CPEB3: variants seen among roughly 807,000 people sequenced by gnomAD.
CPEB3 encodes the protein cytoplasmic polyadenylation element binding protein 3, also known as cytoplasmic polyadenylation element-binding protein 3.
CPEB3 carries 20 observed loss-of-function variants against 67.2 expected under a neutral mutation model. That is an observed-to-expected ratio of 0.30 (90% CI 0.21 to 0.43). CPEB3 has a LOEUF of 0.43. Among genes scored for constraint, CPEB3 ranks in the 20% least tolerant of loss-of-function variants. The probability of loss-of-function intolerance (pLI) is 1.00; values close to 1 mark genes in which losing one functional copy is unlikely to be tolerated. For missense variants in CPEB3, 746 were observed against 968.6 expected (o/e 0.77, Z 3.05); for synonymous variants, 376 against 393.1 (o/e 0.96, Z 0.51).
Position 92,239,648 on chromosome 10 carries a change from C to T in CPEB3, c.703G>A (p.Ala235Thr), listed in dbSNP as rs775493121. Residue 235 changes from alanine (A) to threonine (T), a missense_variant, in exon 2 of 10, where the codon GCC becomes ACC. Ala to Thr is a moderately conservative substitution (Grantham distance 58). Around this residue, in one of 2 missense-constraint regions of CPEB3, gnomAD observed 643 missense variants for 717.5 expected, o/e 0.90. Coordinates refer to ENST00000265997, the MANE Select transcript of CPEB3 (RefSeq NM_014912.5). The surrounding 1 kb of genome is among the most constrained non-coding windows in gnomAD (Gnocchi z 6.0). ...TTCCAGCTGGACGAGGCCGACGAGG[C>T]GGCGGCTGCGGCAGCAGCGGCTGCA... ...AVAAAAAAAA[A>T]SSASSSWNTH... 30 of 1,560,022 alleles carry T rather than the reference C, an allele frequency of 1.9e-5. No homozygotes were observed. In the East Asian group the frequency reaches 6.2e-4, roughly 32 times the overall value.
In CPEB3 at chr10:92,276,428, G is replaced by GCCA. The variant is rs1464591948; in HGVS notation, c.-12+14495_-12+14497dup. Among the ~76,000 whole-genome samples the GCCA allele has an allele frequency of 2.0e-5, 3 of 151,952 alleles. No homozygotes were observed. In the East Asian group the frequency reaches 5.8e-4, roughly 30 times the overall value. On this transcript the variant is annotated intron_variant, in intron 1 of 9. Transcript: ENST00000265997. ...TGAGTAGCTGGGATTACAGGCACCT[G>GCCA]CCACCATGCCTGGCTAATTTTTATA...
At chr10:92,060,913 T>C (rs952247560) in intron 9 of CPEB3, among the ~76,000 whole-genome samples, 2 of 152,164 alleles carry the variant, frequency 1.3e-5, no homozygotes, top group Admixed American at 6.5e-5. Context: ...ACACTGTTGG[T>C]TGGAATGAAA....
chr10:92,139,748 C>A (rs902894903), intron 6 of CPEB3, among the ~76,000 whole-genome samples: 1 of 151,822 alleles, frequency 6.6e-6, no homozygotes, highest in African/African-American at 2.4e-5. Flanking sequence ...CCCCATTTAC[C>A]CTGATGTGAT....
chr10:92,057,270 C>T (rs548365850), intron 9 of CPEB3, among the ~76,000 whole-genome samples: 1 of 152,186 alleles, frequency 6.6e-6, no homozygotes, highest in Non-Finnish European at 1.5e-5. Flanking sequence ...GCAGTACTTA[C>T]CACGAGCTGA....
intron 2 of CPEB3, among the ~76,000 whole-genome samples, chr10:92,202,721 C>G (rs1480703611): frequency 2.6e-5 from 4 of 151,382 alleles, no homozygotes; most frequent in Non-Finnish European, 5.9e-5. Flanking sequence ...GCTGGGAAAT[C>G]AGGGCAAAAT....
At chr10:92,196,429 T>C (rs969802820) in intron 2 of CPEB3, among the ~76,000 whole-genome samples, 1 of 152,210 alleles carries the variant, frequency 6.6e-6, no homozygotes, top group Non-Finnish European at 1.5e-5. Flanking sequence ...CTTACTGGCA[T>C]GTCACTTTGA....
At position 92,094,377 on chromosome 10, in the gene CPEB3, C is replaced by T. The variant is rs968149902; in HGVS notation, c.1573-2433G>A. 1.3e-4 allele frequency among the ~76,000 whole-genome samples: 19 copies of T among 151,958 alleles called. 1 individual carries two copies. Among genetic ancestry groups the T allele is most frequent in the Admixed American group, 7.9e-4 (12 of 15,266 alleles). ...CAGCACTTTGGGAGGCCGAGGCAGGCGGATCACGAGGTCAGGAGATCGAGA... is the reference window on the plus strand; with the variant it reads ...CAGCACTTTGGGAGGCCGAGGCAGGTGGATCACGAGGTCAGGAGATCGAGA... On this transcript the variant is annotated intron_variant, in intron 7 of 9. Coordinates refer to ENST00000265997, the MANE Select transcript of CPEB3 (RefSeq NM_014912.5).
chr10:92,228,802 C>A (rs1780371438), intron 2 of CPEB3, among the ~76,000 whole-genome samples: 1 of 151,818 alleles, frequency 6.6e-6, no homozygotes, highest in African/African-American at 2.4e-5. Flanking sequence ...CAACCTCCAC[C>A]TCCTGGGTTC....
chr10:92,140,405 G>A (rs1352976363), intron 6 of CPEB3, among the ~76,000 whole-genome samples: 1 of 152,160 alleles, frequency 6.6e-6, no homozygotes, highest in African/African-American at 2.4e-5. Flanking sequence ...AATAAATGGT[G>A]CTGGGAAAAC....
At chr10:92,279,453 C>T (rs192479242) in intron 1 of CPEB3, among the ~76,000 whole-genome samples, 6 of 152,218 alleles carry the variant, frequency 3.9e-5, no homozygotes, top group African/African-American at 7.2e-5. Context: ...AATATCGTCC[C>T]CCCTTGATAA....
At chr10:92,139,940 G>A (rs1288828675) in intron 6 of CPEB3, among the ~76,000 whole-genome samples, 1 of 151,910 alleles carries the variant, frequency 6.6e-6, no homozygotes, top group Admixed American at 6.6e-5. Flanking sequence ...GGGTATGGTG[G>A]CACAAGCCTG....
chr10:92,231,853 G>T (rs1298681139), intron 2 of CPEB3, among the ~76,000 whole-genome samples: 1 of 151,884 alleles, frequency 6.6e-6, no homozygotes, highest in South Asian at 2.1e-4. Context: ...CCAAGTAGCT[G>T]CAATTACAAG....
Position 92,240,206 on chromosome 10 carries a change from C to T in CPEB3, c.145G>A (p.Glu49Lys), listed in dbSNP as rs1851774543. Residue 49 changes from glutamate (E) to lysine (K), a missense_variant, in exon 2 of 10, where the codon GAA (glutamate) becomes AAA (lysine). Around this residue, in one of 2 missense-constraint regions of CPEB3, gnomAD observed 643 missense variants for 717.5 expected, o/e 0.90. Coordinates refer to ENST00000265997, the MANE Select transcript of CPEB3 (RefSeq NM_014912.5). ...CTGAGGGCCGGCACTGCGCTGTTTT[C>T]CTCCGGCTTGGGGGTCTCTGAGGAG... ...PLSSETPKPEENSAVPALSPA... is the reference protein window; with the variant it reads ...PLSSETPKPEKNSAVPALSPA... The T allele has an allele frequency of 6.6e-7, 1 of 1,513,906 alleles. No individual in the cohort carries two copies. Among genetic ancestry groups the T allele is most frequent in the Non-Finnish European group, 8.9e-7 (1 of 1,128,204 alleles). The allele number at this position is 1,513,906 out of a possible 1,614,324, so 93.8% of individuals were successfully genotyped here.
intron 2 of CPEB3, among the ~76,000 whole-genome samples, chr10:92,206,855 A>C (rs954397502): frequency 1.3e-5 from 2 of 152,202 alleles, no homozygotes; most frequent in Non-Finnish European, 2.9e-5. Flanking sequence ...GTCCTTTAAT[A>C]GGTCTGGGAG....
chr10:92,215,256 G>C (rs1850299943), intron 2 of CPEB3, among the ~76,000 whole-genome samples: 1 of 150,934 alleles, frequency 6.6e-6, no homozygotes, highest in African/African-American at 2.4e-5. Flanking sequence ...GGGTTCAATC[G>C]ATTCTCCTGC....
intron 1 of CPEB3, among the ~76,000 whole-genome samples, chr10:92,274,045 C>T (rs1169517060): frequency 6.6e-6 from 1 of 152,168 alleles, no homozygotes; most frequent in Non-Finnish European, 1.5e-5. Context: ...GTTAACTATT[C>T]ACATACTCTT....
intron 2 of CPEB3, chr10:92,216,748 C>CCAGGAGGAGTACCAGGA: frequency 6.2e-7 from 1 of 1,609,550 alleles, no homozygotes. Context: ...AGGAGGCTTA[C>CCAGGAGGAGTACCAGGA]GACGAGTGCC....
chr10:92,143,024 A>C lies in CPEB3; in HGVS notation c.1453+5T>G. 6.2e-7 allele frequency: 1 copy of C among 1,607,086 alleles called. No individual in the cohort carries two copies. The highest frequency in any genetic ancestry group is 8.5e-7 in the Non-Finnish European group (1 of 1,174,010). On this transcript the variant is annotated splice_donor_5th_base_variant and intron_variant, in intron 6 of 9. Transcript: ENST00000265997. ...CAAGCAGTGGAAACATTTTAAGAGC[A>C]TTACCTTTAGGAGGAAAATAAGACT...
chr10:92,241,322 G>C (rs901181984), intron 1 of CPEB3, among the ~76,000 whole-genome samples: 1 of 151,440 alleles, frequency 6.6e-6, no homozygotes, highest in Admixed American at 6.6e-5. Flanking sequence ...GATAGGGTGG[G>C]GGTGGGGCTT....
Sources: gnomAD v4.1 joint callset for allele counts (sites outside exome capture counted in the v4.1 genomes callset) on GRCh38, gnomAD v4.1.1 for gene constraint, gnomAD v4.1.1 regional missense constraint, Gnocchi (gnomAD v3.1) non-coding constraint, MANE v1.5 for transcripts, NCBI Gene and HGNC (gene_info 2026-07-23, HGNC 2026-07-21) for gene names.